OR1R1: variants seen among roughly 807,000 people sequenced by gnomAD.
The protein encoded by OR1R1 is olfactory receptor family 1 subfamily R member 1, also known as olfactory receptor 1R1.
At chr17:3,386,485 A>G in the OR1R1 span, 1 of 398,198 alleles carries the variant, frequency 2.5e-6, no homozygotes, top group East Asian at 3.6e-5. Context: ...GGTGATGCTG[A>G]GCTTGGCGAC....
chr17:3,386,591 A>G, the OR1R1 span: 1 of 398,088 alleles, frequency 2.5e-6, no homozygotes, highest in Non-Finnish European at 4.4e-6. Flanking sequence ...CTACGCGCGC[A>G]TCCTGGTCGC....
the OR1R1 span, chr17:3,386,062 ATGGTGGCGC>A: frequency 2.5e-6 from 1 of 398,736 alleles, no homozygotes; most frequent in Admixed American, 4.4e-5. Context: ...CAACCTGAGC[ATGGTGGCGC>A]TGGTGAGATC....
At chr17:3,386,405 A>G in the OR1R1 span, 2 of 398,404 alleles carry the variant, frequency 5.0e-6, no homozygotes, top group Non-Finnish European at 8.9e-6. Context: ...TCGCTGCTGC[A>G]CACGCTGCTC....
the OR1R1 span, chr17:3,386,567 T>C: frequency 2.5e-6 from 1 of 398,420 alleles, no homozygotes; most frequent in Non-Finnish European, 4.4e-6. Flanking sequence ...CCGCTGCTCC[T>C]CGTGTTCCTT....
chr17:3,386,336 T>G, the OR1R1 span: 7 of 398,140 alleles, frequency 1.8e-5, no homozygotes, highest in South Asian at 1.3e-4. Context: ...GGCGCGCTGG[T>G]GACGCCATGG....
the OR1R1 span, chr17:3,386,395 T>G: frequency 2.5e-6 from 1 of 398,404 alleles, no homozygotes. Flanking sequence ...GCACCTGCAC[T>G]CGCTGCTGCA....
At chr17:3,386,765 C>G in the OR1R1 span, 1 of 398,554 alleles carries the variant, frequency 2.5e-6, no homozygotes, top group Admixed American at 4.4e-5. Flanking sequence ...GTGGTCTACG[C>G]TGTCATCACG....
the OR1R1 span, chr17:3,386,545 G>T: frequency 6.7e-3 from 2,672 of 398,436 alleles, 17 homozygotes; most frequent in Non-Finnish European, 7.1e-3. Context: ...GGGCCTGGCC[G>T]TGGTGTTGGC....
At chr17:3,386,046 C>T in the OR1R1 span, 1 of 398,774 alleles carries the variant, frequency 2.5e-6, no homozygotes, top group Non-Finnish European at 4.4e-6. Context: ...TGCTCAACGC[C>T]CTGAGCAACC....
At chr17:3,386,447 C>T in the OR1R1 span, 15 of 398,340 alleles carry the variant, frequency 3.8e-5, no homozygotes, top group Middle Eastern at 1.9e-3. Context: ...TACCCCACCC[C>T]CGTGCGCCCC....
the OR1R1 span, chr17:3,385,940 C>A: frequency 5.0e-6 from 2 of 398,704 alleles, no homozygotes; most frequent in Admixed American, 8.8e-5. Context: ...ATGGCTCCGA[C>A]CAACCTCACA....
the OR1R1 span, chr17:3,386,859 A>G: frequency 1.5e-5 from 6 of 398,218 alleles, no homozygotes; most frequent in Non-Finnish European, 2.2e-5. Flanking sequence ...GGAGGGCTGC[A>G]CCCCAAGAGG....
the OR1R1 span, chr17:3,386,448 C>T: frequency 2.5e-6 from 1 of 398,450 alleles, no homozygotes; most frequent in Non-Finnish European, 4.4e-6. Context: ...ACCCCACCCC[C>T]GTGCGCCCCT....
At chr17:3,386,323 T>C in the OR1R1 span, 4 of 398,154 alleles carry the variant, frequency 1.0e-5, no homozygotes, top group Non-Finnish European at 4.4e-6. Context: ...GCCCCTGCGC[T>C]ACGGCGCGCT....
the OR1R1 span, chr17:3,386,663 C>T: frequency 8.4e-4 from 336 of 398,738 alleles, 1 homozygote; most frequent in African/African-American, 6.1e-3. Flanking sequence ...CACCTAGTGG[C>T]GGTGGCGGTG....
chr17:3,386,402 T>G, the OR1R1 span: 1 of 398,370 alleles, frequency 2.5e-6, no homozygotes, highest in African/African-American at 2.1e-5. Flanking sequence ...CACTCGCTGC[T>G]GCACACGCTG....
the OR1R1 span, chr17:3,386,420 C>G: frequency 2.5e-6 from 1 of 398,466 alleles, no homozygotes; most frequent in African/African-American, 2.1e-5. Flanking sequence ...CTGCTCCTCT[C>G]CGCGCTCTCC....
chr17:3,386,421 C>T, the OR1R1 span: 3 of 398,450 alleles, frequency 7.5e-6, no homozygotes, highest in Non-Finnish European at 1.3e-5. Flanking sequence ...TGCTCCTCTC[C>T]GCGCTCTCCT....
chr17:3,386,427 C>T, the OR1R1 span: 7 of 398,420 alleles, frequency 1.8e-5, no homozygotes, highest in Admixed American at 2.2e-4. Flanking sequence ...TCTCCGCGCT[C>T]TCCTACCCCT....
Sources: gnomAD v4.1 joint callset for allele counts on GRCh38, gnomAD v4.1.1 for gene constraint, MANE v1.5 for transcripts, NCBI Gene and HGNC (gene_info 2026-07-23, HGNC 2026-07-21) for gene names.